Variants in MERTK observed in about 807,000 individuals in gnomAD.
MERTK encodes the protein tyrosine-protein kinase Mer.
A neutral mutation model predicts 99.3 loss-of-function variants in MERTK; 69 were observed. That is an observed-to-expected ratio of 0.70 (90% CI 0.57 to 0.85). The LOEUF (loss-of-function observed/expected upper bound fraction) is 0.85, where lower values mean the gene tolerates loss of function less well. Ranked by LOEUF, MERTK falls within the 40% of genes least tolerant of loss-of-function variation. The probability of loss-of-function intolerance (pLI) is 0.00; values close to 1 mark genes in which losing one functional copy is unlikely to be tolerated. For synonymous variants in MERTK, 426 were observed against 467.6 expected (o/e 0.91, Z 1.15); for missense variants, 1,125 against 1,249.4 (o/e 0.90, Z 1.50).
chr2:111,917,706 G>T (rs1684378898), intron 1 of MERTK, among the ~76,000 whole-genome samples: 1 of 152,030 alleles, frequency 6.6e-6, no homozygotes, highest in Non-Finnish European at 1.5e-5. Flanking sequence ...CCAACATGGT[G>T]AAACCCCGTC....
At chr2:111,961,355 G>A (rs548147454) in intron 4 of MERTK, among the ~76,000 whole-genome samples, 3 of 151,564 alleles carry the variant, frequency 2.0e-5, no homozygotes, top group South Asian at 2.1e-4. Context: ...TAGAGACAGC[G>A]TTTCACAGTG....
At chr2:111,916,304 C>G (rs567956826) in intron 1 of MERTK, among the ~76,000 whole-genome samples, 1 of 152,188 alleles carries the variant, frequency 6.6e-6, no homozygotes, top group Non-Finnish European at 1.5e-5. Flanking sequence ...TTCAAGTTCC[C>G]TTTTAGCCTT....
chr2:111,925,461 T>C (rs1327113625), intron 1 of MERTK, among the ~76,000 whole-genome samples: 4 of 148,950 alleles, frequency 2.7e-5, no homozygotes, highest in African/African-American at 9.9e-5. Context: ...ACCACTACGC[T>C]TGGCTAAATT....
At chr2:111,926,981 A>G (rs1684579885) in intron 1 of MERTK, among the ~76,000 whole-genome samples, 1 of 152,186 alleles carries the variant, frequency 6.6e-6, no homozygotes, top group Non-Finnish European at 1.5e-5. Context: ...TCCCTAGCAT[A>G]AGTGAACACT....
chr2:112,006,162 G>A (rs1343536685), intron 13 of MERTK, among the ~76,000 whole-genome samples: 3 of 152,142 alleles, frequency 2.0e-5, no homozygotes, highest in Admixed American at 1.3e-4. Flanking sequence ...GATTACAGCC[G>A]TGAGCTACCA....
At chr2:111,962,850 G>A (rs1333014525) in intron 4 of MERTK, among the ~76,000 whole-genome samples, 1 of 152,186 alleles carries the variant, frequency 6.6e-6, no homozygotes, top group Non-Finnish European at 1.5e-5. Context: ...CAGTGAAGGG[G>A]TGGGTTGCTC....
At chr2:111,909,684 G>A (rs1424564514) in intron 1 of MERTK, among the ~76,000 whole-genome samples, 4 of 152,084 alleles carry the variant, frequency 2.6e-5, no homozygotes, top group African/African-American at 9.7e-5. Context: ...TAGCTTAGAA[G>A]GTATATAATC....
chr2:111,980,412 CTTT>C (rs34831521), intron 7 of MERTK, among the ~76,000 whole-genome samples: 1 of 100,978 alleles, frequency 9.9e-6, no homozygotes, highest in Admixed American at 1.1e-4. Context: ...GCAACTATTT[CTTT>C]TTTTTTTTTT....
chr2:111,901,351 C>T (rs1684039282), intron 1 of MERTK, among the ~76,000 whole-genome samples: 1 of 152,004 alleles, frequency 6.6e-6, no homozygotes, highest in Admixed American at 6.6e-5. Context: ...TATTTCTTTT[C>T]CAAACTGATA....
At chr2:112,000,383 C>T (rs1424909385) in intron 10 of MERTK, among the ~76,000 whole-genome samples, 1 of 152,148 alleles carries the variant, frequency 6.6e-6, no homozygotes, top group Non-Finnish European at 1.5e-5. Flanking sequence ...TCCAGGATGC[C>T]ACATTTTACA....
At chr2:112,003,843 C>G in intron 12 of MERTK, 61 bp from the exon 13 acceptor site, 1 of 1,394,760 alleles carries the variant, frequency 7.2e-7, no homozygotes, top group Non-Finnish European at 1.0e-6. Flanking sequence ...GGCACTGTAG[C>G]ATTTCTGTGG....
chr2:111,905,536 G>A (rs574413366), intron 1 of MERTK, among the ~76,000 whole-genome samples: 1 of 145,536 alleles, frequency 6.9e-6, no homozygotes, highest in East Asian at 2.1e-4. Flanking sequence ...GGGTTCAAGC[G>A]ATTGAACCCA....
At chr2:111,990,504 G>A (rs959467813) in intron 8 of MERTK, among the ~76,000 whole-genome samples, 2 of 152,140 alleles carry the variant, frequency 1.3e-5, no homozygotes, top group African/African-American at 4.8e-5. Flanking sequence ...CTCTGGGCCA[G>A]GCACTGTTAC....
chr2:111,996,637 G>T (rs1411272674), intron 9 of MERTK: 2 of 158,482 alleles, frequency 1.3e-5, no homozygotes, highest in African/African-American at 4.8e-5. Context: ...GCGGTCCTTA[G>T]TGAAGGTGAA....
intron 18 of MERTK, among the ~76,000 whole-genome samples, chr2:112,026,995 A>G (rs1677477163): frequency 1.3e-5 from 2 of 152,174 alleles, no homozygotes; most frequent in African/African-American, 2.4e-5. Flanking sequence ...AAAAGCATCA[A>G]AATGAAATGA....
chr2:111,907,582 T>C (rs992654430), intron 1 of MERTK, among the ~76,000 whole-genome samples: 1 of 152,222 alleles, frequency 6.6e-6, no homozygotes, highest in Non-Finnish European at 1.5e-5. Context: ...CAAACACATA[T>C]GACCTCTTCC....
intron 6 of MERTK, among the ~76,000 whole-genome samples, chr2:111,971,979 G>C (rs1391855207): frequency 6.6e-6 from 1 of 151,854 alleles, no homozygotes; most frequent in East Asian, 1.9e-4. Flanking sequence ...TTGGGGCTCT[G>C]TTGTTAGAAA....
In MERTK at chr2:111,975,425, G is replaced by A; in HGVS notation, c.1097G>A (p.Gly366Asp). 6.2e-7 allele frequency: 1 copy of A among 1,614,160 alleles called. No homozygotes were observed. Among genetic ancestry groups the A allele is most frequent in the East Asian group, 2.2e-5 (1 of 44,884 alleles). Residue 366 changes from glycine to aspartate, a missense_variant, in exon 7 of 19, where the codon GGC (glycine) becomes GAC (aspartate). Transcript: ENST00000295408. The stretch of plus-strand genomic sequence containing the variant: ...GGTGTTTCCTGCATGAATGAAATAG[G>A]CTGGTCTGCAGTGAGCCCTTGGATT... ...SIGVSCMNEI[G>D]WSAVSPWILA... is the part of the protein sequence containing the mutation.
In MERTK at chr2:112,003,163, A is replaced by T. The variant is rs767176967; in HGVS notation, c.1762A>T (p.Ile588Phe). 1 of 1,592,790 alleles carries T rather than the reference A, an allele frequency of 6.3e-7. No individual in the cohort carries two copies. Among genetic ancestry groups the T allele is most frequent in the Non-Finnish European group, 8.6e-7 (1 of 1,160,944 alleles). Residue 588 changes from isoleucine (I) to phenylalanine (F), a missense_variant, in exon 12 of 19, where the codon ATT (isoleucine) becomes TTT (phenylalanine). Transcript: ENST00000295408. Reference protein sequence around the residue: ...EDVVIDRNLLILGKILGEGEF... With the variant: ...EDVVIDRNLLFLGKILGEGEF... ...TGTTGTGATTGACAGGAATCTTCTAATTCTTGGAAAAATTCTGGGTGAAGG... is the reference window on the plus strand; with the variant it reads ...TGTTGTGATTGACAGGAATCTTCTATTTCTTGGAAAAATTCTGGGTGAAGG...
Sources: gnomAD v4.1 joint callset for allele counts (sites outside exome capture counted in the v4.1 genomes callset) on GRCh38, gnomAD v4.1.1 for gene constraint, MANE v1.5 for transcripts, NCBI Gene and HGNC (gene_info 2026-07-23, HGNC 2026-07-21) for gene names.